Variants in TFPI observed in about 807,000 individuals in gnomAD.
TFPI encodes tissue factor pathway inhibitor.
TFPI carries 15 observed loss-of-function variants against 34.6 expected under a neutral mutation model. That is an observed-to-expected ratio of 0.43 (90% CI 0.29 to 0.67). The LOEUF (loss-of-function observed/expected upper bound fraction) is 0.67, where lower values mean the gene tolerates loss of function less well. TFPI is among the 30% of genes least tolerant of loss of function. The pLI, the probability that TFPI is intolerant of heterozygous loss-of-function variation, is 0.15. For missense variants in TFPI, 301 were observed against 364.0 expected, an observed-to-expected ratio of 0.83 and a Z score of 1.41; for synonymous variants, 105 against 120.1, an observed-to-expected ratio of 0.87 and a Z score of 0.82.
intron 3 of TFPI, among the ~76,000 whole-genome samples, chr2:187,489,726 T>C (rs1307960806): frequency 6.6e-6 from 1 of 151,536 alleles, no homozygotes; most frequent in Non-Finnish European, 1.5e-5. Context: ...ACATTGTAAA[T>C]AGGATTAATT....
chr2:187,481,823 G>A (rs1031489597), intron 6 of TFPI, among the ~76,000 whole-genome samples: 18 of 151,942 alleles, frequency 1.2e-4, no homozygotes, highest in Non-Finnish European at 4.4e-5. Context: ...ATGCAGTTAC[G>A]ATAACATTAT....
At chr2:187,521,249 ATGT>A (rs1687355847) in intron 1 of TFPI, among the ~76,000 whole-genome samples, 1 of 152,144 alleles carries the variant, frequency 6.6e-6, no homozygotes, top group African/African-American at 2.4e-5. Flanking sequence ...TATACCATCC[ATGT>A]TGTCACAAAT....
chr2:187,475,308 A>G (rs756183753), intron 6 of TFPI, among the ~76,000 whole-genome samples: 2 of 152,218 alleles, frequency 1.3e-5, no homozygotes, highest in African/African-American at 2.4e-5. Context: ...AAAAATATGT[A>G]TAATTATGTT....
In TFPI at chr2:187,479,792, A is replaced by G. The variant is rs112471286; in HGVS notation, c.628+4332T>C. Among the ~76,000 whole-genome samples, 386 of 151,568 alleles carry G rather than the reference A, an allele frequency of 2.5e-3. 2 individuals are homozygous for G. Among genetic ancestry groups the G allele is most frequent in the African/African-American group, 8.7e-3 (362 of 41,390 alleles). ...GGAATCTAACCATGAAGGATTGATG[A>G]TCTGAATGAAATAAATAGGAATGAA... On this transcript the variant is annotated intron_variant, in intron 6 of 7. Coordinates refer to ENST00000233156, the MANE Select transcript of TFPI (RefSeq NM_006287.6).
intron 1 of TFPI, chr2:187,526,837 G>A (rs1445651333): frequency 6.6e-6 from 1 of 151,964 alleles, no homozygotes; most frequent in Non-Finnish European, 1.5e-5. Flanking sequence ...GATTTATGGT[G>A]TACCAGTGGA....
rs543754640 is a variant in TFPI, at chr2:187,508,280, C to T, written c.-2-4510G>A. 1.1e-3 allele frequency among the ~76,000 whole-genome samples: 172 copies of T among 152,114 alleles called. 1 individual carries two copies. The highest frequency in any genetic ancestry group is 4.1e-3 in the African/African-American group (170 of 41,492). On this transcript the variant is annotated intron_variant, in intron 1 of 7. Coordinates refer to ENST00000233156, the MANE Select transcript of TFPI (RefSeq NM_006287.6). ...GCTTTGCTCTTTTTGCTTAGGATTG[C>T]CTTGGCTATATGGGCTGTTTTTTGG...
intron 1 of TFPI, among the ~76,000 whole-genome samples, chr2:187,532,510 C>T (rs753704935): frequency 3.3e-5 from 5 of 152,314 alleles, no homozygotes; most frequent in Middle Eastern, 3.4e-3. Flanking sequence ...CAAGGGAAGC[C>T]GTGAGGGGCT....
chr2:187,553,444 T>C (rs1482884690), intron 1 of TFPI, among the ~76,000 whole-genome samples: 1 of 152,166 alleles, frequency 6.6e-6, no homozygotes, highest in Non-Finnish European at 1.5e-5. Context: ...TTTTTCATAA[T>C]TAAATAATTG....
At chr2:187,512,277 T>TTA (rs1686692575) in intron 1 of TFPI, among the ~76,000 whole-genome samples, 1 of 110,370 alleles carries the variant, frequency 9.1e-6, no homozygotes, top group East Asian at 2.5e-4. Context: ...TATCCTAAGT[T>TTA]AAAAAAAAAA....
intron 6 of TFPI, chr2:187,478,645 A>C: frequency 6.2e-7 from 1 of 1,607,720 alleles, no homozygotes; most frequent in Non-Finnish European, 8.5e-7. Context: ...GTATACATAT[A>C]AATATTAAGG....
chr2:187,477,826 T>C (rs1465510330), intron 6 of TFPI, among the ~76,000 whole-genome samples: 1 of 152,204 alleles, frequency 6.6e-6, no homozygotes, highest in African/African-American at 2.4e-5. Context: ...ATGGAATGTA[T>C]GTCTGGAGGT....
At chr2:187,478,612 C>T in intron 6 of TFPI, 1 of 1,557,368 alleles carries the variant, frequency 6.4e-7, no homozygotes, top group Non-Finnish European at 8.7e-7. Context: ...ACTTTATTAG[C>T]AGTATGCTAT....
chr2:187,531,565 A>G (rs746237352), intron 1 of TFPI, among the ~76,000 whole-genome samples: 7 of 152,110 alleles, frequency 4.6e-5, no homozygotes, highest in Admixed American at 1.3e-4. Context: ...TATCGATAGC[A>G]TATTCCTCTT....
At chr2:187,494,270 G>A (rs1034892284) in intron 3 of TFPI, among the ~76,000 whole-genome samples, 1 of 151,872 alleles carries the variant, frequency 6.6e-6, no homozygotes, top group African/African-American at 2.4e-5. Flanking sequence ...TGATATTTGG[G>A]TAGGGACACA....
intron 1 of TFPI, among the ~76,000 whole-genome samples, chr2:187,550,102 G>C (rs890266887): frequency 2.0e-5 from 3 of 152,072 alleles, no homozygotes; most frequent in Non-Finnish European, 2.9e-5. Flanking sequence ...GTCTCAGGAG[G>C]TAGTTAGGGT....
chr2:187,469,917 A>G (rs1004210378), intron 6 of TFPI, among the ~76,000 whole-genome samples: 2 of 152,084 alleles, frequency 1.3e-5, no homozygotes, highest in Non-Finnish European at 2.9e-5. Context: ...AATGTGTGGG[A>G]TGTGTATTAT....
chr2:187,533,547 A>C (rs1469897303), intron 1 of TFPI, among the ~76,000 whole-genome samples: 1 of 152,240 alleles, frequency 6.6e-6, no homozygotes, highest in African/African-American at 2.4e-5. Context: ...TCCACACAGA[A>C]ACCCCACACA....
At chr2:187,535,360 C>A (rs1371703012) in intron 1 of TFPI, among the ~76,000 whole-genome samples, 10 of 151,990 alleles carry the variant, frequency 6.6e-5, no homozygotes, top group Non-Finnish European at 1.3e-4. Flanking sequence ...TCAGCAAATG[C>A]AAAAGAACGG....
chr2:187,528,723 C>T (rs1020892538), intron 1 of TFPI, among the ~76,000 whole-genome samples: 7 of 151,964 alleles, frequency 4.6e-5, no homozygotes, highest in African/African-American at 1.7e-4. Flanking sequence ...TTATCTTATG[C>T]TCATTTTATA....
Sources: gnomAD v4.1 joint callset for allele counts (sites outside exome capture counted in the v4.1 genomes callset) on GRCh38, gnomAD v4.1.1 for gene constraint, MANE v1.5 for transcripts, NCBI Gene and HGNC (gene_info 2026-07-23, HGNC 2026-07-21) for gene names.